IGSF10: variants seen among roughly 807,000 people sequenced by gnomAD.
IGSF10 encodes the protein calvaria mechanical force protein 608.
In IGSF10, 126 loss-of-function variants were observed where a neutral mutation model predicts 128.2. The ratio of observed to expected loss-of-function variants is 0.98; its 90% CI spans 0.85 to 1.14. The LOEUF is 1.14. Among genes scored for constraint, IGSF10 ranks in the 50% most tolerant of loss-of-function variants. The pLI is 0.00. For missense variants in IGSF10, 3,295 were observed against 3,149.8 expected, an observed-to-expected ratio of 1.05 and a Z score of -1.10; for synonymous variants, 1,185 against 1,146.2, an observed-to-expected ratio of 1.03 and a Z score of -0.68.
Position 151,437,392 on chromosome 3 carries a change from A to T in IGSF10, c.7169T>A (p.Ile2390Lys). The T allele has an allele frequency of 6.2e-7, 1 of 1,614,220 alleles. No individual in the cohort carries two copies. Among genetic ancestry groups the T allele is most frequent in the Middle Eastern group, 1.6e-4 (1 of 6,062 alleles). ...AATGATAAAAGAACCATTGCTTGCT[A>T]TCAGATACTGATAACTTTGTGGTCC... is the stretch of plus-strand genomic sequence containing the variant. ...SNGPQSYQYLIASNGSFIISK... is the reference protein window; with the variant it reads ...SNGPQSYQYLKASNGSFIISK... The change falls in exon 8 of 8, where the codon ATA becomes AAA. Residue 2390 changes from isoleucine (I) to lysine (K), a missense_variant. Physicochemically the swap from Ile to Lys is moderately radical, Grantham distance 102 (BLOSUM62 -3). Transcript: ENST00000282466.
At chr3:151,457,942 C>G (rs1433057345) in intron 3 of IGSF10, among the ~76,000 whole-genome samples, 1 of 152,154 alleles carries the variant, frequency 6.6e-6, no homozygotes, top group Non-Finnish European at 1.5e-5. Flanking sequence ...ATAGTACATG[C>G]TCACTAATGT....
chr3:151,584,577 C>T, the IGSF10 span, among the ~76,000 whole-genome samples: 2 of 152,150 alleles, frequency 1.3e-5, no homozygotes, highest in Non-Finnish European at 2.9e-5. Context: ...TGTGGATGCA[C>T]ATGATTTATC....
At chr3:151,528,520 G>A in the IGSF10 span, among the ~76,000 whole-genome samples, 1 of 152,202 alleles carries the variant, frequency 6.6e-6, no homozygotes, top group African/African-American at 2.4e-5. Context: ...ATCTCACTGG[G>A]AATGGTTGGA....
At chr3:151,467,474 T>C in the IGSF10 span, among the ~76,000 whole-genome samples, 1 of 152,172 alleles carries the variant, frequency 6.6e-6, no homozygotes, top group South Asian at 2.1e-4. Context: ...TTTATTCACA[T>C]GATATTAGGG....
the IGSF10 span, among the ~76,000 whole-genome samples, chr3:151,550,480 G>C: frequency 6.6e-6 from 1 of 152,098 alleles, no homozygotes; most frequent in African/African-American, 2.4e-5. Context: ...ATATCCTCTG[G>C]ATACAGTGAG....
At chr3:151,546,586 A>G in the IGSF10 span, among the ~76,000 whole-genome samples, 3 of 150,890 alleles carry the variant, frequency 2.0e-5, no homozygotes, top group Non-Finnish European at 4.4e-5. Context: ...CAAACTCCTG[A>G]GCTCAAATCC....
the IGSF10 span, among the ~76,000 whole-genome samples, chr3:151,525,191 C>T: frequency 6.6e-6 from 1 of 151,654 alleles, no homozygotes; most frequent in Non-Finnish European, 1.5e-5. Context: ...CTGCCTGGCT[C>T]ATTATAATCA....
At chr3:151,567,159 G>A in the IGSF10 span, among the ~76,000 whole-genome samples, 2 of 152,166 alleles carry the variant, frequency 1.3e-5, no homozygotes. Flanking sequence ...TCATAGATGA[G>A]GAAGATTATA....
At position 151,447,079 on chromosome 3, in the gene IGSF10, G is replaced by A. The variant is rs1721239519; in HGVS notation, c.2902C>T (p.His968Tyr). 1 of 1,614,062 alleles carries A rather than the reference G, an allele frequency of 6.2e-7. No homozygotes were observed. Among genetic ancestry groups the A allele is most frequent in the African/African-American group, 1.3e-5 (1 of 74,926 alleles). The change falls in exon 6 of 8, where the codon CAC (histidine) becomes TAC (tyrosine). Residue 968 changes from histidine (H) to tyrosine (Y), a missense_variant. Transcript: ENST00000282466. ...ATTTGAGTAGTGTGAGAATAGAAGT[G>A]ATTGTGCCTGGGTTCACTCACTTCT... ...VREVSEPRHNHFYSHTTQILS... is the reference protein window; with the variant it reads ...VREVSEPRHNYFYSHTTQILS...
the IGSF10 span, among the ~76,000 whole-genome samples, chr3:151,503,202 A>G: frequency 1.3e-5 from 2 of 152,056 alleles, no homozygotes; most frequent in Admixed American, 1.3e-4. Flanking sequence ...CTTTACAAAT[A>G]AATCTTCAAG....
At chr3:151,550,669 A>G in the IGSF10 span, among the ~76,000 whole-genome samples, 2 of 151,790 alleles carry the variant, frequency 1.3e-5, no homozygotes, top group Admixed American at 6.6e-5. Flanking sequence ...GGTCATTACG[A>G]TTTTTTTCTC....
At chr3:151,517,173 G>A in the IGSF10 span, among the ~76,000 whole-genome samples, 5,933 of 151,808 alleles carry the variant, frequency 0.039, 375 homozygotes, top group African/African-American at 0.14. Context: ...TGAAAGTTAT[G>A]CCAAATAATA....
At chr3:151,441,067 T>C (rs763251497) in intron 7 of IGSF10, among the ~76,000 whole-genome samples, 4 of 152,206 alleles carry the variant, frequency 2.6e-5, no homozygotes, top group Admixed American at 6.5e-5. Flanking sequence ...AGATTGCTTA[T>C]TAAAACAAAA....
chr3:151,490,478 A>C, the IGSF10 span, among the ~76,000 whole-genome samples: 1 of 149,940 alleles, frequency 6.7e-6, no homozygotes, highest in East Asian at 2.0e-4. Flanking sequence ...ACAGAAAATT[A>C]ATATGAGAAT....
chr3:151,500,397 T>C, the IGSF10 span, among the ~76,000 whole-genome samples: 1 of 152,164 alleles, frequency 6.6e-6, no homozygotes, highest in African/African-American at 2.4e-5. Flanking sequence ...AGATTTTGAA[T>C]TCCAAATTTC....
intron 6 of IGSF10, 89 bp downstream of exon 6, chr3:151,444,830 C>G (rs777172962): frequency 2.2e-5 from 28 of 1,253,346 alleles, no homozygotes; most frequent in Non-Finnish European, 2.9e-5. Context: ...GAAACTGATA[C>G]TGATTCTTTG....
At chr3:151,596,728 C>T in the IGSF10 span, among the ~76,000 whole-genome samples, 1 of 152,162 alleles carries the variant, frequency 6.6e-6, no homozygotes, top group African/African-American at 2.4e-5. Flanking sequence ...CTCTCCCTCA[C>T]CAGAACTGAA....
the IGSF10 span, among the ~76,000 whole-genome samples, chr3:151,502,432 C>T: frequency 2.6e-5 from 4 of 151,842 alleles, no homozygotes; most frequent in South Asian, 2.1e-4. Flanking sequence ...CACTTTTGGC[C>T]TAGTATTTTG....
chr3:151,493,941 G>A, the IGSF10 span, among the ~76,000 whole-genome samples: 1 of 151,946 alleles, frequency 6.6e-6, no homozygotes, highest in South Asian at 2.1e-4. Context: ...CTAAATTTTA[G>A]GGGGTAATTT....
Sources: allele counts gnomAD v4.1 joint callset (sites outside exome capture counted in the v4.1 genomes callset), GRCh38; gene constraint gnomAD v4.1.1; transcripts MANE v1.5; gene names NCBI Gene and HGNC (gene_info 2026-07-23, HGNC 2026-07-21).